Variants in LETM1 observed in about 807,000 individuals in gnomAD.
LETM1 encodes mitochondrial proton/calcium exchanger protein.
LETM1 carries 50 observed loss-of-function variants against 74.5 expected under a neutral mutation model. The ratio of observed to expected loss-of-function variants is 0.67; its 90% confidence interval spans 0.53 to 0.85. The LOEUF (loss-of-function observed/expected upper bound fraction) is 0.85. LETM1 is among the 40% of genes least tolerant of loss of function. The pLI is 0.00. For missense variants in LETM1, 824 were observed against 967.8 expected (o/e 0.85, Z 1.97); for synonymous variants, 446 against 407.1 (o/e 1.10, Z -1.15).
chr4:1,843,649 A>G (rs1488815883), intron 2 of LETM1, among the ~76,000 whole-genome samples: 2 of 152,190 alleles, frequency 1.3e-5, no homozygotes, highest in African/African-American at 4.8e-5. Context: ...GTGGACACCA[A>G]TGAGGCCTGG....
intron 6 of LETM1, among the ~76,000 whole-genome samples, chr4:1,826,659 G>A (rs941959618): frequency 1.3e-5 from 2 of 152,230 alleles, no homozygotes; most frequent in South Asian, 2.1e-4. Flanking sequence ...GCCTCTCACT[G>A]CCATGCGGCA....
intron 2 of LETM1, 136 bp from the exon 3 acceptor site, chr4:1,841,933 T>G: frequency 1.4e-6 from 1 of 696,850 alleles, no homozygotes; most frequent in Non-Finnish European, 2.5e-6. Context: ...TCCCACCTAC[T>G]TCCTGACGTT....
At chr4:1,824,431 G>A (rs1028263823) in intron 7 of LETM1, among the ~76,000 whole-genome samples, 3 of 152,156 alleles carry the variant, frequency 2.0e-5, no homozygotes, top group Non-Finnish European at 2.9e-5. Flanking sequence ...GCCAGGTTCC[G>A]GGGCTGGCTG....
chr4:1,845,557 T>C lies in LETM1; in HGVS notation c.143+3592A>G, dbSNP rs999502868. ...CTTTTTTCTTTTTTTTTTCTTTTTT[T>C]TTTTTTTCGAGACACAGTTTTGCTC... On this transcript the variant is annotated intron_variant, in intron 2 of 13. Coordinates refer to ENST00000302787, the MANE Select transcript of LETM1 (RefSeq NM_012318.3). Among the ~76,000 whole-genome samples, 27 of 151,278 alleles carry C rather than the reference T, an allele frequency of 1.8e-4. 1 individual carries two copies. Among genetic ancestry groups the C allele is most frequent in the African/African-American group, 5.8e-4 (24 of 41,250 alleles).
At chr4:1,822,963 G>T in intron 9 of LETM1, 25 bp downstream of exon 9, 1 of 1,447,740 alleles carries the variant, frequency 6.9e-7, no homozygotes, top group Non-Finnish European at 9.1e-7. Flanking sequence ...AGCCCCACGC[G>T]GCACGGAGCA....
At chr4:1,849,382 A>G (rs1198579132) in intron 1 of LETM1, among the ~76,000 whole-genome samples, 173 bp from the exon 2 acceptor site, 1 of 152,008 alleles carries the variant, frequency 6.6e-6, no homozygotes, top group Admixed American at 6.5e-5. Flanking sequence ...CTCCTGCCTC[A>G]GCCTCCTGAG....
At chr4:1,842,984 C>G in intron 2 of LETM1, 1 of 331,724 alleles carries the variant, frequency 3.0e-6, no homozygotes, top group South Asian at 2.4e-5. Context: ...GACACAAATC[C>G]CCCCGGGTGG....
chr4:1,815,748 G>A lies in LETM1; in HGVS notation c.1986C>T (p.His662=), dbSNP rs1342674309. Reference sequence around the variant, plus strand: ...GGCTGGTGAGCTTGCTTTCGGGAATGTGCTTGACTTGCTTCATGGCGTTGA... The same window carrying A: ...GGCTGGTGAGCTTGCTTTCGGGAATATGCTTGACTTGCTTCATGGCGTTGA... The part of the protein sequence containing the change: ...ELINAMKQVK[H]IPESKLTSLA... Residue 662 remains histidine, a synonymous_variant, in exon 13 of 14, where the codon CAC becomes CAT. Coordinates refer to ENST00000302787, the MANE Select transcript of LETM1 (RefSeq NM_012318.3). The A allele has an allele frequency of 1.9e-6, 3 of 1,614,100 alleles. No individual in the cohort carries two copies. Among genetic ancestry groups the A allele is most frequent in the African/African-American group, 1.3e-5 (1 of 74,946 alleles).
At chr4:1,832,696 G>C (rs140313458) in intron 6 of LETM1, 48 bp downstream of exon 6, 2 of 1,564,888 alleles carry the variant, frequency 1.3e-6, no homozygotes, top group Non-Finnish European at 1.8e-6. Flanking sequence ...ATCAGGAAAC[G>C]AAAAGGTAAA....
intron 2 of LETM1, among the ~76,000 whole-genome samples, chr4:1,844,662 T>C (rs1270869917): frequency 5.4e-4 from 81 of 149,948 alleles, no homozygotes; most frequent in African/African-American, 1.9e-3. Context: ...AGCCGGGAGG[T>C]GGAGGCTGCA....
At chr4:1,849,126 C>A in intron 2 of LETM1, 23 bp downstream of exon 2, 1 of 1,571,376 alleles carries the variant, frequency 6.4e-7, no homozygotes, top group South Asian at 1.1e-5. Context: ...CAGACAGGTG[C>A]AGAGTGATAC....
intron 3 of LETM1, among the ~76,000 whole-genome samples, chr4:1,837,774 G>GAGTGCAATCGCCT (rs1384723847): frequency 6.7e-5 from 10 of 148,924 alleles, no homozygotes; most frequent in Non-Finnish European, 1.0e-4. Context: ...CCTGATCTTG[G>GAGTGCAATCGCCT]GTCATTGTAT....
intron 3 of LETM1, among the ~76,000 whole-genome samples, chr4:1,839,699 A>C (rs533845544): frequency 1.3e-5 from 2 of 152,068 alleles, no homozygotes; most frequent in African/African-American, 4.8e-5. Context: ...GCAGGTCACT[A>C]ATCTTCCCAA....
At chr4:1,848,306 T>A (rs1037890108) in intron 2 of LETM1, among the ~76,000 whole-genome samples, 3 of 151,974 alleles carry the variant, frequency 2.0e-5, no homozygotes, top group African/African-American at 7.3e-5. Flanking sequence ...CCCAGCACTT[T>A]GGGAGGCCAT....
At position 1,828,622 on chromosome 4, in the gene LETM1, T is replaced by C. The variant is rs1194000174; in HGVS notation, c.1081-2939A>G. ...GGCAGAGGGGCTCCTCACTTCCCAG[T>C]AGGGGCGGCCGGGCAGAGGCGCCCC... On this transcript the variant is annotated intron_variant, in intron 6 of 13. Transcript: ENST00000302787. Among the ~76,000 whole-genome samples, 22 of 91,396 alleles carry C rather than the reference T, an allele frequency of 2.4e-4. 1 individual carries two copies. The highest frequency in any genetic ancestry group is 1.7e-3 in the Admixed American group (15 of 8,882). The allele number at this position is 91,396 out of a possible 152,430, so 60.0% of individuals were successfully genotyped here.
At chr4:1,854,949 G>C (rs949405208) in intron 1 of LETM1, among the ~76,000 whole-genome samples, 2 of 152,152 alleles carry the variant, frequency 1.3e-5, no homozygotes, top group African/African-American at 4.8e-5. Context: ...CACTTTGGGA[G>C]GCCAAAGCAG....
At chr4:1,855,208 A>G (rs1713196542) in intron 1 of LETM1, among the ~76,000 whole-genome samples, 1 of 152,196 alleles carries the variant, frequency 6.6e-6, no homozygotes, top group Admixed American at 6.5e-5. Flanking sequence ...AATTTTACAA[A>G]TAAGGACATA....
chr4:1,825,291 G>C (rs780515151), intron 7 of LETM1, among the ~76,000 whole-genome samples: 1 of 152,224 alleles, frequency 6.6e-6, no homozygotes, highest in Non-Finnish European at 1.5e-5. Flanking sequence ...AACCAAAATA[G>C]TAAGTTATTA....
At chr4:1,849,937 A>T (rs1713011683) in intron 1 of LETM1, among the ~76,000 whole-genome samples, 1 of 152,126 alleles carries the variant, frequency 6.6e-6, no homozygotes, top group African/African-American at 2.4e-5. Flanking sequence ...CGAGTGGATC[A>T]CCTGAGGCCA....
Sources: allele counts gnomAD v4.1 joint callset (sites outside exome capture counted in the v4.1 genomes callset), GRCh38; gene constraint gnomAD v4.1.1; transcripts MANE v1.5; gene names NCBI Gene and HGNC (gene_info 2026-07-23, HGNC 2026-07-21).